PABPN1L: variants seen among roughly 807,000 people sequenced by gnomAD.
PABPN1L encodes embryonic polyadenylate-binding protein 2.
A neutral mutation model predicts 34.0 loss-of-function variants in PABPN1L; 45 were observed. That is an observed-to-expected ratio of 1.32 (90% CI 1.04 to 1.70). PABPN1L has a LOEUF of 1.70. PABPN1L is among the 40% of genes most tolerant of loss of function. The pLI is 0.00. For synonymous variants in PABPN1L, 182 were observed against 152.1 expected (o/e 1.20, Z -1.45); for missense variants, 459 against 367.8 (o/e 1.25, Z -2.03).
rs760201583 is a variant in PABPN1L at position 88,865,110 on chromosome 16, C to T, written c.478G>A (p.Ala160Thr). ...CTGAAGTGGGCCTCCAGCTCCTCGGCGGAGCCCCCGTAGTCCACCTGCACC... is the reference window on the plus strand; with the variant it reads ...CTGAAGTGGGCCTCCAGCTCCTCGGTGGAGCCCCCGTAGTCCACCTGCACC... Residue 160 changes from alanine (A) to threonine (T), a missense_variant, in exon 4 of 7, where the codon GCC becomes ACC. Transcript: ENST00000419291. 4.8e-5 allele frequency: 75 copies of T among 1,577,858 alleles called. No homozygotes were observed. In the Middle Eastern group the frequency reaches 5.0e-4, roughly 11 times the overall value.
upstream of PABPN1L, among the ~76,000 whole-genome samples, chr16:88,869,770 A>C (rs149539178): frequency 1.0e-3 from 159 of 152,352 alleles, no homozygotes; most frequent in African/African-American, 3.6e-3. Flanking sequence ...GGCCCCGGCC[A>C]TGGAAAACCT....
intron 6 of PABPN1L, among the ~76,000 whole-genome samples, 163 bp from the exon 7 acceptor site, chr16:88,863,958 G>A (rs1169938334): frequency 6.6e-6 from 1 of 152,194 alleles, no homozygotes; most frequent in Non-Finnish European, 1.5e-5. Context: ...TCTTGGGAGG[G>A]TCCCACGAAA....
chr16:88,865,714 G>C lies in PABPN1L; in HGVS notation c.392-84C>G, dbSNP rs1268933489. On this transcript the variant is annotated intron_variant, in intron 2 of 6. Transcript: ENST00000419291. ...GGGAAGGTCGCCCAGGCTTATAGGG[G>C]AGGTGACACCTTGGAGCCTGCCAGG... is the stretch of plus-strand genomic sequence containing the variant. 2.6e-6 allele frequency: 4 copies of C among 1,553,774 alleles called. No homozygotes were observed. The East Asian group carries it at 9.1e-5, about 35-fold the overall frequency.
intron 6 of PABPN1L, among the ~76,000 whole-genome samples, 184 bp downstream of exon 6, chr16:88,864,053 C>A (rs1331053873): frequency 7.1e-6 from 1 of 140,152 alleles, no homozygotes; most frequent in Non-Finnish European, 1.5e-5. Context: ...GTCACCTCTC[C>A]CAGCAGAGAG....
exon 7 of PABPN1L, chr16:88,863,571 TCTGGACCACCATACAAGGCCCTA>T (rs1968498148): frequency 1.3e-6 from 1 of 777,422 alleles, no homozygotes; most frequent in African/African-American, 1.7e-5. Flanking sequence ...TGGCCTTGGG[TCTGGACCACCATACAAGGCCCTA>T]CTGGGCCATC....
chr16:88,864,190 C>T (rs1597638732), intron 6 of PABPN1L, 47 bp downstream of exon 6: 1 of 1,522,106 alleles, frequency 6.6e-7, no homozygotes, highest in Non-Finnish European at 8.8e-7. Context: ...CTGATGCCCT[C>T]CACCATGGCC....
At chr16:88,864,547 C>T (rs903300054) in intron 5 of PABPN1L, among the ~76,000 whole-genome samples, 168 bp from the exon 6 acceptor site, 2 of 145,924 alleles carry the variant, frequency 1.4e-5, no homozygotes, top group East Asian at 2.0e-4. Flanking sequence ...TATGACACCC[C>T]GTCACGGCCA....
chr16:88,866,092 G>A (rs1472034171), intron 1 of PABPN1L, among the ~76,000 whole-genome samples, 151 bp from the exon 2 acceptor site: 2 of 152,244 alleles, frequency 1.3e-5, no homozygotes, highest in East Asian at 3.8e-4. Context: ...GCAGCTGGCT[G>A]GGGATGAACT....
exon 2 of PABPN1L, chr16:88,865,908 T>C (rs1597641202): frequency 2.5e-6 from 4 of 1,609,080 alleles, no homozygotes; most frequent in Non-Finnish European, 3.4e-6. Flanking sequence ...GCCTGCTCCA[T>C]GGCACACACC....
intron 6 of PABPN1L, 125 bp from the exon 7 acceptor site, chr16:88,863,920 G>A (rs1161181655): frequency 3.0e-6 from 3 of 1,014,742 alleles, no homozygotes; most frequent in African/African-American, 1.6e-5. Context: ...AATGCCCCAG[G>A]GGCCTTTCTG....
upstream of PABPN1L, among the ~76,000 whole-genome samples, chr16:88,868,211 A>G (rs903415100): frequency 1.3e-5 from 2 of 152,140 alleles, no homozygotes; most frequent in Non-Finnish European, 2.9e-5. Context: ...ATGGGTCTCA[A>G]TCAATCAGTT....
intron 5 of PABPN1L, 21 bp from the exon 6 acceptor site, chr16:88,864,400 G>C (rs1447705419): frequency 1.9e-6 from 3 of 1,550,486 alleles, no homozygotes; most frequent in Non-Finnish European, 2.6e-6. Flanking sequence ...GGCCTGTTTT[G>C]AGTCCTCCTC....
chr16:88,865,554 A>G lies in PABPN1L; in HGVS notation c.459+9T>C, dbSNP rs2143020221. 2 of 1,610,264 alleles carry G rather than the reference A, an allele frequency of 1.2e-6. No individual in the cohort carries two copies. Among genetic ancestry groups the G allele is most frequent in the Non-Finnish European group, 1.7e-6 (2 of 1,179,050 alleles). ...CGCTGCCTGCCCCTTCACCCCGCCC[A>G]CCACTCACGTTGCCCACGTAGACGG... On this transcript the variant is annotated intron_variant, in intron 3 of 6. Coordinates refer to ENST00000419291, the Ensembl canonical transcript of PABPN1L.
chr16:88,865,653 C>A, intron 2 of PABPN1L, 23 bp from the exon 3 acceptor site: 1 of 1,591,306 alleles, frequency 6.3e-7, no homozygotes. Context: ...CAGCTCAGGC[C>A]CGCAGGCCCT....
At chr16:88,865,681 C>T (rs2143020286) in intron 2 of PABPN1L, 51 bp from the exon 3 acceptor site, 2 of 1,565,222 alleles carry the variant, frequency 1.3e-6, no homozygotes, top group East Asian at 2.3e-5. Flanking sequence ...TTCCTCACTC[C>T]TCTCACGGGG....
chr16:88,868,411 TG>T (rs1332559139), upstream of PABPN1L, among the ~76,000 whole-genome samples: 11 of 152,138 alleles, frequency 7.2e-5, no homozygotes, highest in African/African-American at 2.7e-4. Flanking sequence ...AAAACCAGCC[TG>T]GCCAACATGG....
intron 2 of PABPN1L, 27 bp from the exon 3 acceptor site, chr16:88,865,657 A>G (rs1381999460): frequency 6.3e-7 from 1 of 1,588,294 alleles, no homozygotes; most frequent in African/African-American, 1.3e-5. Flanking sequence ...TCAGGCCCGC[A>G]GGCCCTTGGT....
chr16:88,865,173 T>C, intron 3 of PABPN1L, 45 bp from the exon 4 acceptor site: 14 of 1,529,510 alleles, frequency 9.2e-6, no homozygotes, highest in Non-Finnish European at 1.2e-5. Context: ...CGCCTGGCCC[T>C]GACTCGGGGC....
upstream of PABPN1L, among the ~76,000 whole-genome samples, chr16:88,868,703 G>A (rs1234316750): frequency 6.6e-6 from 1 of 151,992 alleles, no homozygotes; most frequent in African/African-American, 2.4e-5. Flanking sequence ...AGAAAAGGGA[G>A]GGCGGATAAA....
Sources: gnomAD v4.1 joint callset for allele counts (sites outside exome capture counted in the v4.1 genomes callset) on GRCh38, gnomAD v4.1.1 for gene constraint, MANE v1.5 for transcripts, NCBI Gene and HGNC (gene_info 2026-07-23, HGNC 2026-07-21) for gene names.